The following ITGAM variants were observed in gnomAD, a reference collection of about 807,000 sequenced individuals.
The protein encoded by ITGAM is integrin subunit alpha M.
A neutral mutation model predicts 137.5 loss-of-function variants in ITGAM; 79 were observed. The ratio of observed to expected loss-of-function variants is 0.57; its 90% confidence interval spans 0.48 to 0.69. ITGAM has a LOEUF of 0.69. ITGAM is among the 30% of genes least tolerant of loss of function. ITGAM has a pLI of 0.00. For missense variants in ITGAM, 1,343 were observed against 1,483.5 expected (o/e 0.91, Z 1.56); for synonymous variants, 583 against 592.3 (o/e 0.98, Z 0.23).
chr16:31,307,474 TTG>T (rs1316296620), intron 14 of ITGAM, among the ~76,000 whole-genome samples: 2 of 152,210 alleles, frequency 1.3e-5, no homozygotes, highest in African/African-American at 4.8e-5. Context: ...GTAAGAATGC[TTG>T]TGATTTTTGC....
intron 1 of ITGAM, among the ~76,000 whole-genome samples, chr16:31,260,726 G>T (rs2079689377): frequency 6.6e-6 from 1 of 152,212 alleles, no homozygotes; most frequent in African/African-American, 2.4e-5. Flanking sequence ...GAGCAGGACT[G>T]GACGTGCCCC....
At position 31,265,456 on chromosome 16, in the gene ITGAM, T is replaced by G; in HGVS notation, c.196T>G (p.Cys66Gly). 1 of 1,607,798 alleles carries G rather than the reference T, an allele frequency of 6.2e-7. No individual in the cohort carries two copies. Among genetic ancestry groups the G allele is most frequent in the Non-Finnish European group, 8.5e-7 (1 of 1,177,452 alleles). Residue 66 changes from cysteine to glycine, a missense_variant, in exon 3 of 30, where the codon TGC (cysteine) becomes GGC (glycine). By Grantham distance (159) the Cys-to-Gly change is radical (BLOSUM62 -3). Coordinates refer to ENST00000544665, the MANE Select transcript of ITGAM (RefSeq NM_000632.4). ...CAACCAAAGGGGCAGCCTCTACCAGTGCGACTACAGCACAGGCTCATGCGA... is the reference window on the plus strand; with the variant it reads ...CAACCAAAGGGGCAGCCTCTACCAGGGCGACTACAGCACAGGCTCATGCGA... ...AANQRGSLYQ[C>G]DYSTGSCEPI...
chr16:31,287,000 T>C (rs1241368515), intron 12 of ITGAM, among the ~76,000 whole-genome samples: 2 of 152,210 alleles, frequency 1.3e-5, no homozygotes, highest in Non-Finnish European at 2.9e-5. Context: ...CTTTAATCCA[T>C]GTGATTTAAG....
Position 31,331,280 on chromosome 16 carries a change from TCCCCGCTGCTCC to T in ITGAM, c.3387+9_3387+20del. The T allele has an allele frequency of 6.8e-7, 1 of 1,462,148 alleles. No homozygotes were observed. The highest frequency in any genetic ancestry group is 9.5e-7 in the Non-Finnish European group (1 of 1,054,814). 90.6% of individuals were successfully genotyped at this position (1,462,148 alleles called of 1,614,324 possible). On this transcript the variant is annotated splice_donor_region_variant and intron_variant, in intron 29 of 29. Transcript: ENST00000544665. ...ATCACCGCCGCGCTGTACAAGGTGC[TCCCCGCTGCTCC>T]CCCACCCCCTCCCTTCATCCTCTCG...
At chr16:31,278,174 G>A (rs2079930980) in intron 12 of ITGAM, 65 bp downstream of exon 12, 1 of 1,510,518 alleles carries the variant, frequency 6.6e-7, no homozygotes, top group Admixed American at 2.1e-5. Flanking sequence ...GAGATTCCAG[G>A]AGGGGCATTC....
At chr16:31,298,000 G>C (rs567882017) in intron 14 of ITGAM, 46 bp downstream of exon 14, 1 of 1,488,504 alleles carries the variant, frequency 6.7e-7, no homozygotes, top group African/African-American at 1.4e-5. Flanking sequence ...CCTCTTTGTT[G>C]ATCTTTCTCC....
chr16:31,322,819 G>A (rs540955951), intron 16 of ITGAM, among the ~76,000 whole-genome samples: 12 of 152,224 alleles, frequency 7.9e-5, no homozygotes, highest in East Asian at 7.7e-4. Flanking sequence ...ACCAAAAATC[G>A]CACTGACTGA....
At chr16:31,329,088 C>G in intron 23 of ITGAM, 140 bp from the exon 24 acceptor site, 1 of 582,542 alleles carries the variant, frequency 1.7e-6, no homozygotes, top group Non-Finnish European at 3.1e-6. Context: ...CATCCCCCTG[C>G]ACCCCACCCC....
At position 31,332,521 on chromosome 16, in the gene ITGAM, C is replaced by T. The variant is rs1324826912; in HGVS notation, c.*814C>T. The T allele has an allele frequency of 2.0e-5, 3 of 152,246 alleles. No individual in the cohort carries two copies. The highest frequency in any genetic ancestry group is 6.5e-5 in the Admixed American group (1 of 15,282). The allele number at this position is 152,246 out of a possible 1,614,324, so 9.4% of individuals were successfully genotyped here. On this transcript the variant is annotated 3_prime_UTR_variant, in exon 30 of 30. Coordinates refer to ENST00000544665, the MANE Select transcript of ITGAM (RefSeq NM_000632.4). ...TCTCCCTTTCCAGATATTCAAGTCA[C>T]CTCCTTAAAGGTAGTCAAGATTGTG...
chr16:31,261,198 CTTTTTT>C lies in ITGAM; in HGVS notation c.29-477_29-472del, dbSNP rs1017498448. ...ATGGAGCAGGAAGACATGCTGCTAT[CTTTTTT>C]TTTTTTTTTTTTTTTTGATACAGGG... On this transcript the variant is annotated intron_variant, in intron 1 of 29. Coordinates refer to ENST00000544665, the MANE Select transcript of ITGAM (RefSeq NM_000632.4). 2.1e-4 allele frequency among the ~76,000 whole-genome samples: 26 copies of C among 123,236 alleles called. 1 individual carries two copies. Among genetic ancestry groups the C allele is most frequent in the East Asian group, 1.7e-3 (7 of 4,080 alleles). The allele number at this position is 123,236 out of a possible 152,430, so 80.8% of individuals were successfully genotyped here. A position where few individuals can be genotyped will look rare whatever the true frequency, so the allele number is the denominator to read the frequency against.
At chr16:31,327,617 AAT>A (rs1491434691) in intron 22 of ITGAM, among the ~76,000 whole-genome samples, 3 of 150,924 alleles carry the variant, frequency 2.0e-5, no homozygotes, top group African/African-American at 7.4e-5. Context: ...TAATAATAAT[AAT>A]AAAAAATAAA....
chr16:31,277,099 T>TA (rs1567253294), intron 11 of ITGAM, 50 bp downstream of exon 11: 1 of 1,525,360 alleles, frequency 6.6e-7, no homozygotes, highest in South Asian at 1.3e-5. Flanking sequence ...GGATTTGGCA[T>TA]AAGTCAACTA....
intron 2 of ITGAM, among the ~76,000 whole-genome samples, chr16:31,263,523 T>C (rs1036542280): frequency 2.6e-5 from 4 of 152,132 alleles, no homozygotes; most frequent in Non-Finnish European, 5.9e-5. Context: ...GCCAACTCAG[T>C]GTGCTATCAA....
rs2080558672 is a variant in ITGAM at position 31,329,984 on chromosome 16, C to T, written c.2976+79C>T. Reference sequence around the variant, plus strand: ...TGTTAATGCTATTGGGTTTTAGAGCCGCTCCGCCCCTCTCCTGGACCCAGG... The same window carrying T: ...TGTTAATGCTATTGGGTTTTAGAGCTGCTCCGCCCCTCTCCTGGACCCAGG... On this transcript the variant is annotated intron_variant, in intron 25 of 29. Coordinates refer to ENST00000544665, the MANE Select transcript of ITGAM (RefSeq NM_000632.4). The T allele has an allele frequency of 1.8e-5, 28 of 1,522,944 alleles. No individual in the cohort carries two copies. The East Asian group carries it at 6.3e-4, about 34-fold the overall frequency. The allele number at this position is 1,522,944 out of a possible 1,614,324, so 94.3% of individuals were successfully genotyped here.
At chr16:31,262,339 CCTT>C (rs1359801472) in intron 2 of ITGAM, among the ~76,000 whole-genome samples, 144 of 11,570 alleles carry the variant, frequency 0.012, 3 homozygotes, top group African/African-American at 0.053. Context: ...TCCCTTCCAT[CCTT>C]CCTTCCTTCC....
intron 21 of ITGAM, among the ~76,000 whole-genome samples, chr16:31,326,250 C>G (rs982370437): frequency 6.6e-6 from 1 of 152,096 alleles, no homozygotes; most frequent in African/African-American, 2.4e-5. Context: ...TATGCAACCA[C>G]TAATCTACTT....
At chr16:31,267,342 T>A (rs1169789063) in intron 5 of ITGAM, among the ~76,000 whole-genome samples, 1 of 152,106 alleles carries the variant, frequency 6.6e-6, no homozygotes, top group African/African-American at 2.4e-5. Flanking sequence ...TATTTCACCC[T>A]CCACAGTTAA....
chr16:31,311,287 A>G (rs1271158411), intron 14 of ITGAM, among the ~76,000 whole-genome samples: 3 of 152,234 alleles, frequency 2.0e-5, no homozygotes, highest in Non-Finnish European at 4.4e-5. Context: ...GACAAATGGG[A>G]TCTAATTAAA....
chr16:31,280,257 T>C lies in ITGAM; in HGVS notation c.1356+2148T>C, dbSNP rs181886212. Among the ~76,000 whole-genome samples, 147 of 152,332 alleles carry C rather than the reference T, an allele frequency of 9.6e-4. 1 individual carries two copies. The Middle Eastern group carries it at 0.017, about 18-fold the overall frequency. On this transcript the variant is annotated intron_variant, in intron 12 of 29. Coordinates refer to ENST00000544665, the MANE Select transcript of ITGAM (RefSeq NM_000632.4). ...TTCCACATGAACTTTAACGTAGCTTTTTCCAATTCTGTGAAGAAAGTCATT... is the reference window on the plus strand; with the variant it reads ...TTCCACATGAACTTTAACGTAGCTTCTTCCAATTCTGTGAAGAAAGTCATT...
Sources: gnomAD v4.1 joint callset for allele counts (sites outside exome capture counted in the v4.1 genomes callset) on GRCh38, gnomAD v4.1.1 for gene constraint, MANE v1.5 for transcripts, NCBI Gene and HGNC (gene_info 2026-07-23, HGNC 2026-07-21) for gene names.